TPO: variants seen among roughly 807,000 people sequenced by gnomAD.
TPO encodes thyroid microsomal antigen.
In TPO, 78 loss-of-function variants were observed where a neutral mutation model predicts 96.9. The observed-to-expected ratio is 0.81, with a 90% CI of 0.67 to 0.97. The LOEUF (loss-of-function observed/expected upper bound fraction) is 0.97, where lower values mean the gene tolerates loss of function less well. TPO is among the 50% of genes least tolerant of loss of function. The pLI is 0.00. For missense variants in TPO, 1,252 were observed against 1,274.8 expected (o/e 0.98, Z 0.27); for synonymous variants, 547 against 538.0 (o/e 1.02, Z -0.23).
intron 15 of TPO, among the ~76,000 whole-genome samples, chr2:1,528,892 T>C (rs923333768): frequency 2.9e-5 from 4 of 137,718 alleles, no homozygotes; most frequent in African/African-American, 1.1e-4. Context: ...TCCTCTCCAC[T>C]GTGTGCAACC....
At chr2:1,437,581 A>G (rs565582843) in intron 5 of TPO, among the ~76,000 whole-genome samples, 1 of 152,300 alleles carries the variant, frequency 6.6e-6, no homozygotes, top group East Asian at 1.9e-4. Context: ...ATGGTTAAGA[A>G]CAACAGCTTT....
intron 14 of TPO, among the ~76,000 whole-genome samples, chr2:1,508,032 A>T (rs1358560774): frequency 1.3e-5 from 2 of 152,096 alleles, no homozygotes; most frequent in African/African-American, 2.4e-5. Flanking sequence ...TGTCATAGAT[A>T]GCTCTTATTA....
At chr2:1,495,778 G>A (rs535685843) in intron 11 of TPO, among the ~76,000 whole-genome samples, 11 of 151,956 alleles carry the variant, frequency 7.2e-5, no homozygotes, top group African/African-American at 2.7e-4. Flanking sequence ...GCCTGCACCT[G>A]AGTGGTCCCG....
At chr2:1,432,604 C>T (rs1461478967) in intron 3 of TPO, among the ~76,000 whole-genome samples, 1 of 123,172 alleles carries the variant, frequency 8.1e-6, no homozygotes, top group Non-Finnish European at 1.7e-5. Context: ...TGGGGTGAGG[C>T]CTGCAGGTGA....
At chr2:1,457,392 CATAT>C (rs762720844) in intron 7 of TPO, among the ~76,000 whole-genome samples, 2 of 36,698 alleles carry the variant, frequency 5.4e-5, no homozygotes. Flanking sequence ...TGTGGGTACA[CATAT>C]ATATAGCATG....
chr2:1,527,941 C>T (rs1221028403), intron 15 of TPO, among the ~76,000 whole-genome samples: 1 of 140,432 alleles, frequency 7.1e-6, no homozygotes, highest in Non-Finnish European at 1.5e-5. Flanking sequence ...TCAAATCCCC[C>T]CACTGCGTGC....
chr2:1,405,227 T>A (rs55980998), intron 1 of TPO, among the ~76,000 whole-genome samples: 58,538 of 150,348 alleles, frequency 0.39, 11,527 homozygotes, highest in Admixed American at 0.49. Flanking sequence ...TCATCCATCC[T>A]TCCATTTATC....
chr2:1,378,735 C>T (rs78697800), intron 1 of TPO, among the ~76,000 whole-genome samples: 2,576 of 152,314 alleles, frequency 0.017, 52 homozygotes, highest in South Asian at 0.06. Context: ...GAATGCCGTG[C>T]ACCCGGCAGA....
Position 1,479,538 on chromosome 2 carries a change from C to T in TPO, c.1338+1934C>T, listed in dbSNP as rs538481322. Reference sequence around the variant, plus strand: ...GCAGCTGCCTCTGATCCCTGGAGCCCGTTCACAGAGCGGGAAACGCCCAAT... The same window carrying T: ...GCAGCTGCCTCTGATCCCTGGAGCCTGTTCACAGAGCGGGAAACGCCCAAT... On this transcript the variant is annotated intron_variant, in intron 8 of 16. Coordinates refer to ENST00000329066, the MANE Select transcript of TPO (RefSeq NM_001206744.2). Among the ~76,000 whole-genome samples the T allele has an allele frequency of 3.9e-5, 6 of 152,298 alleles. No homozygotes were observed. In the East Asian group the frequency reaches 5.8e-4, roughly 15 times the overall value.
At chr2:1,505,672 G>T (rs1393652180) in intron 14 of TPO, among the ~76,000 whole-genome samples, 3 of 152,072 alleles carry the variant, frequency 2.0e-5, no homozygotes, top group Admixed American at 6.5e-5. Flanking sequence ...TGTTACATAG[G>T]TATACGTGTG....
intron 1 of TPO, among the ~76,000 whole-genome samples, chr2:1,398,625 C>T (rs1251652718): frequency 6.6e-6 from 1 of 152,198 alleles, no homozygotes; most frequent in Non-Finnish European, 1.5e-5. Context: ...AGGGTCTGGA[C>T]AAAACTGCAG....
At chr2:1,425,874 C>T (rs535893055) in intron 3 of TPO, among the ~76,000 whole-genome samples, 58 of 136,018 alleles carry the variant, frequency 4.3e-4, no homozygotes, top group South Asian at 1.2e-3. Flanking sequence ...CATTTCATAT[C>T]CTCAGAAGTC....
chr2:1,474,728 G>T (rs1393520733), intron 7 of TPO, among the ~76,000 whole-genome samples: 1 of 152,178 alleles, frequency 6.6e-6, no homozygotes, highest in Non-Finnish European at 1.5e-5. Flanking sequence ...CGCATATACA[G>T]TCGCTCCTGG....
intron 1 of TPO, among the ~76,000 whole-genome samples, chr2:1,385,121 T>C (rs1661870060): frequency 1.3e-5 from 2 of 152,370 alleles, no homozygotes; most frequent in South Asian, 4.1e-4. Context: ...CAGTATTTTA[T>C]TGAGGATTTT....
chr2:1,469,876 T>C (rs1669232312), intron 7 of TPO, among the ~76,000 whole-genome samples: 1 of 152,196 alleles, frequency 6.6e-6, no homozygotes, highest in South Asian at 2.1e-4. Context: ...TTCTCTTGGC[T>C]TTCCTAATGT....
chr2:1,480,357 T>C (rs980857083), intron 8 of TPO, among the ~76,000 whole-genome samples: 8 of 152,190 alleles, frequency 5.3e-5, no homozygotes, highest in Non-Finnish European at 1.0e-4. Flanking sequence ...CTGCTGCGAC[T>C]TCTAGCCGTA....
At chr2:1,496,232 C>G in intron 12 of TPO, 35 bp downstream of exon 12, 1 of 1,599,870 alleles carries the variant, frequency 6.3e-7, no homozygotes, top group Middle Eastern at 1.7e-4. Flanking sequence ...CACGTTACAG[C>G]ACGTGCATCT....
chr2:1,449,093 G>GAAC (rs779810849), intron 5 of TPO, among the ~76,000 whole-genome samples: 2 of 152,180 alleles, frequency 1.3e-5, no homozygotes, highest in Non-Finnish European at 2.9e-5. Flanking sequence ...TAAAGCCCAT[G>GAAC]AACAATTCTG....
chr2:1,542,741 T>C lies in TPO; in HGVS notation c.*267T>C. ...ATTTACAGATTACACATCTTTATTT[T>C]GTGAACCCTGGAAACACCACTCTTG... On this transcript the variant is annotated 3_prime_UTR_variant, in exon 17 of 17. Transcript: ENST00000329066. The C allele has an allele frequency of 1.0e-6, 1 of 988,504 alleles. No individual in the cohort carries two copies. Among genetic ancestry groups the C allele is most frequent in the Middle Eastern group, 2.4e-4 (1 of 4,150 alleles). 61.2% of individuals were successfully genotyped at this position (988,504 alleles called of 1,614,324 possible).
Sources: gnomAD v4.1 joint callset for allele counts (sites outside exome capture counted in the v4.1 genomes callset) on GRCh38, gnomAD v4.1.1 for gene constraint, MANE v1.5 for transcripts, NCBI Gene and HGNC (gene_info 2026-07-23, HGNC 2026-07-21) for gene names.